PRPF8: variants seen among roughly 807,000 people sequenced by gnomAD.
PRPF8 encodes the protein pre-mRNA-processing-splicing factor 8.
PRPF8 carries 64 observed loss-of-function variants against 285.9 expected under a neutral mutation model. That is an observed-to-expected ratio of 0.22 (90% CI 0.18 to 0.28). The LOEUF (loss-of-function observed/expected upper bound fraction) is 0.28. PRPF8 is among the 10% of genes least tolerant of loss of function. PRPF8 has a pLI of 1.00. For missense variants in PRPF8, 1,426 were observed against 3,026.7 expected, an observed-to-expected ratio of 0.47 and a Z score of 12.41; for synonymous variants, 1,325 against 1,118.2, an observed-to-expected ratio of 1.18 and a Z score of -3.69.
chr17:1,673,324 T>A lies in PRPF8; in HGVS notation c.3657+33A>T, dbSNP rs749657901. 1.2e-6 allele frequency: 2 copies of A among 1,612,588 alleles called. No homozygotes were observed. Among genetic ancestry groups the A allele is most frequent in the Non-Finnish European group, 1.7e-6 (2 of 1,179,116 alleles). ...GACTGACCCAGGAAGTGCAGGCGCG[T>A]TCATGTCACTCCCAGCCCCGCCCAG... is the stretch of plus-strand genomic sequence containing the variant. On this transcript the variant is annotated intron_variant, in intron 23 of 42. Coordinates refer to ENST00000304992, the MANE Select transcript of PRPF8 (RefSeq NM_006445.4). The surrounding 1 kb of genome is among the most constrained non-coding windows in gnomAD (Gnocchi z 5.5).
chr17:1,682,490 G>T (rs935914322), intron 3 of PRPF8, among the ~76,000 whole-genome samples, 197 bp from the exon 4 acceptor site: 2 of 152,026 alleles, frequency 1.3e-5, no homozygotes, highest in African/African-American at 4.8e-5. Flanking sequence ...CTTCTTAAAC[G>T]TCATAATCCC....
In PRPF8 at chr17:1,680,495, A is replaced by C; in HGVS notation, c.1098+231T>G. ...AGACAGACCGGGACAGATTATCTAGAGCACCCAAGAAAAGAACCGTAAAGT... is the reference window on the plus strand; with the variant it reads ...AGACAGACCGGGACAGATTATCTAGCGCACCCAAGAAAAGAACCGTAAAGT... On this transcript the variant is annotated intron_variant, in intron 8 of 42. Coordinates refer to ENST00000304992, the MANE Select transcript of PRPF8 (RefSeq NM_006445.4). The C allele has an allele frequency of 4.1e-5, 25 of 605,072 alleles. No individual in the cohort carries two copies. In the South Asian group the frequency reaches 4.9e-4, roughly 12 times the overall value. The allele number at this position is 605,072 out of a possible 1,614,324, so 37.5% of individuals were successfully genotyped here. A position where few individuals can be genotyped will look rare whatever the true frequency, so the allele number is the denominator to read the frequency against.
In PRPF8 at chr17:1,684,465, G is replaced by C; in HGVS notation, c.100+7C>G. ...GGCCCGCGCGCCGCTCCACACTCTC[G>C]CCTCACCTTTCTCCTGCAGCTTCTC... On this transcript the variant is annotated splice_region_variant and intron_variant, in intron 2 of 42. Coordinates refer to ENST00000304992, the MANE Select transcript of PRPF8 (RefSeq NM_006445.4). 6 of 1,612,438 alleles carry C rather than the reference G, an allele frequency of 3.7e-6. No homozygotes were observed. The highest frequency in any genetic ancestry group is 5.1e-6 in the Non-Finnish European group (6 of 1,179,624).
In PRPF8 at chr17:1,679,618, A is replaced by C; in HGVS notation, c.1280T>G (p.Val427Gly). The stretch of plus-strand genomic sequence containing the variant: ...CAGGGAAAAACCTTACCAGTTCTTG[A>C]CAAGGGGTATGTCCAGGGCCCGACG... The part of the protein sequence containing the change: ...RTRRALDIPL[V>G]KNWYREHCPA... The change falls in exon 9 of 43, where the codon GTC becomes GGC. Residue 427 changes from valine to glycine, a missense_variant. Transcript: ENST00000304992. The surrounding 1 kb of genome is among the most constrained non-coding windows in gnomAD (Gnocchi z 4.7). 1 of 1,613,482 alleles carries C rather than the reference A, an allele frequency of 6.2e-7. No individual in the cohort carries two copies. The highest frequency in any genetic ancestry group is 8.5e-7 in the Non-Finnish European group (1 of 1,179,980).
intron 24 of PRPF8, among the ~76,000 whole-genome samples, chr17:1,666,405 G>T (rs1186742881): frequency 6.6e-6 from 1 of 152,064 alleles, no homozygotes; most frequent in Non-Finnish European, 1.5e-5. Flanking sequence ...AGAAAAATCA[G>T]CCAGGCATGG....
rs769495537 is a variant in PRPF8, at chr17:1,658,487, TAC to T, written c.5376+37_5376+38del. On this transcript the variant is annotated intron_variant, in intron 33 of 42. Coordinates refer to ENST00000304992, the MANE Select transcript of PRPF8 (RefSeq NM_006445.4). This position sits in a 1 kb window ranked among gnomAD's most constrained non-coding sequence, Gnocchi z 4.1. ...AGCCCATTACTCTCCCACAGCCATG[TAC>T]AGAGTCCCGCACCTATACACTGCTG... 2.5e-6 allele frequency: 4 copies of T among 1,612,930 alleles called. No individual in the cohort carries two copies. Among genetic ancestry groups the T allele is most frequent in the East Asian group, 2.2e-5 (1 of 44,888 alleles).
At chr17:1,678,741 G>T (rs749146408) in intron 12 of PRPF8, 21 bp downstream of exon 12, 4 of 1,614,062 alleles carry the variant, frequency 2.5e-6, no homozygotes, top group Non-Finnish European at 3.4e-6. Context: ...CCAGGCAGGG[G>T]TTGGGAATAC....
At position 1,673,967 on chromosome 17, in the gene PRPF8, T is replaced by G. The variant is rs548794088; in HGVS notation, c.3300-75A>C. 1 of 1,552,596 alleles carries G rather than the reference T, an allele frequency of 6.4e-7. No homozygotes were observed. Among genetic ancestry groups the G allele is most frequent in the African/African-American group, 1.4e-5 (1 of 73,810 alleles). On this transcript the variant is annotated intron_variant, in intron 21 of 42. Transcript: ENST00000304992. The surrounding 1 kb of genome is among the most constrained non-coding windows in gnomAD (Gnocchi z 5.5). ...GACACCCACAAGTCCTCCAGCTCAA[T>G]AGACGGAGACCCCACCCCATCCTAC...
At chr17:1,680,165 C>T (rs886185711) in intron 8 of PRPF8, among the ~76,000 whole-genome samples, 1 of 152,102 alleles carries the variant, frequency 6.6e-6, no homozygotes, top group Non-Finnish European at 1.5e-5. Context: ...GCTTAAGAAG[C>T]CAGTCACTGA....
At chr17:1,667,340 G>A (rs1174930837) in intron 24 of PRPF8, among the ~76,000 whole-genome samples, 3 of 152,278 alleles carry the variant, frequency 2.0e-5, no homozygotes, top group African/African-American at 7.2e-5. Flanking sequence ...ATCCCTGAAG[G>A]GGAGGAGGCA....
chr17:1,677,347 TTC>T (rs1912657796), intron 14 of PRPF8, 175 bp from the exon 15 acceptor site: 1 of 953,846 alleles, frequency 1.0e-6, no homozygotes, highest in Non-Finnish European at 1.6e-6. Context: ...ACAACTATGC[TTC>T]TGAGGAATTT....
intron 37 of PRPF8, chr17:1,654,592 A>G (rs1911255569): frequency 5.2e-6 from 1 of 193,522 alleles, no homozygotes; most frequent in African/African-American, 2.3e-5. Context: ...CTATTCGAAG[A>G]CACTGCTGTA....
chr17:1,651,814 A>T lies in PRPF8; in HGVS notation c.6370-26T>A, dbSNP rs761813614. 6.2e-7 allele frequency: 1 copy of T among 1,613,038 alleles called. No individual in the cohort carries two copies. Among genetic ancestry groups the T allele is most frequent in the African/African-American group, 1.3e-5 (1 of 74,886 alleles). ...CTGGAGACAAAGGGGTCAGGAACCA[A>T]AACTCTTCTTAGTACCAGGTCAGAG... On this transcript the variant is annotated intron_variant, in intron 39 of 42. Transcript: ENST00000304992. This position sits in a 1 kb window ranked among gnomAD's most constrained non-coding sequence, Gnocchi z 5.1.
rs567614021 is a variant in PRPF8 at position 1,680,219 on chromosome 17, T to C, written c.1099-420A>G. Among the ~76,000 whole-genome samples, 6 of 152,300 alleles carry C rather than the reference T, an allele frequency of 3.9e-5. No homozygotes were observed. In the East Asian group the frequency reaches 7.7e-4, roughly 20 times the overall value. ...TTCTATTTCATTCTATCATATGAAA[T>C]GTGTAGAATAGCCAAATCTATAGAC... is the stretch of plus-strand genomic sequence containing the variant. On this transcript the variant is annotated intron_variant, in intron 8 of 42. Transcript: ENST00000304992.
chr17:1,659,789 C>T lies in PRPF8; in HGVS notation c.4946+52G>A. On this transcript the variant is annotated intron_variant, in intron 31 of 42. Coordinates refer to ENST00000304992, the MANE Select transcript of PRPF8 (RefSeq NM_006445.4). This position sits in a 1 kb window ranked among gnomAD's most constrained non-coding sequence, Gnocchi z 5.1. The stretch of plus-strand genomic sequence containing the variant: ...TCCTAAAGTTGCAGGGCTAGAAGAA[C>T]AGGAAAACGAAAGTGTCCTGGCTGC... 6.3e-7 allele frequency: 1 copy of T among 1,596,990 alleles called. No individual in the cohort carries two copies. The highest frequency in any genetic ancestry group is 8.6e-7 in the Non-Finnish European group (1 of 1,166,162).
At chr17:1,663,318 A>G (rs1044994104) in intron 24 of PRPF8, among the ~76,000 whole-genome samples, 1 of 152,200 alleles carries the variant, frequency 6.6e-6, no homozygotes, top group Non-Finnish European at 1.5e-5. Flanking sequence ...AAAAAGAGTA[A>G]GACGGTAGAT....
At position 1,675,654 on chromosome 17, in the gene PRPF8, T is replaced by C. The variant is rs1377545938; in HGVS notation, c.2838A>G (p.Glu946=). The C allele has an allele frequency of 4.3e-6, 7 of 1,614,086 alleles. 1 individual carries two copies. The South Asian group carries it at 7.7e-5, about 18-fold the overall frequency. ...ACTTGTAAACAAGCAGCGGAGGTGG[T>C]TCTGTGTCTGCAGGCTTAATCCAGG... is the stretch of plus-strand genomic sequence containing the variant. ...FPPWIKPADT[E]PPPLLVYKWC... Residue 946 remains glutamate, a synonymous_variant, in exon 19 of 43, where the codon GAA becomes GAG. Coordinates refer to ENST00000304992, the MANE Select transcript of PRPF8 (RefSeq NM_006445.4). This position sits in a 1 kb window ranked among gnomAD's most constrained non-coding sequence, Gnocchi z 6.0.
At chr17:1,662,594 A>G (rs557592370) in intron 24 of PRPF8, among the ~76,000 whole-genome samples, 64 of 67,148 alleles carry the variant, frequency 9.5e-4, no homozygotes, top group East Asian at 4.0e-3. Context: ...ATCTCAGGGG[A>G]AAAAAAAAAA....
In PRPF8 at chr17:1,673,567, T is replaced by C. The variant is rs1486770508; in HGVS notation, c.3447A>G (p.Leu1149=). ...TGATGTCCCAGAATACCGCCCGGCC[T>C]CTGCCCACAGAGAACACATGGTCAC... ...RMRLMKHDVN[L]GRAVFWDIKN... Residue 1149 remains leucine, a splice_region_variant and synonymous_variant, in exon 23 of 43, where the codon TTA becomes TTG. Transcript: ENST00000304992. The surrounding 1 kb of genome is among the most constrained non-coding windows in gnomAD (Gnocchi z 5.5). 2 of 1,613,836 alleles carry C rather than the reference T, an allele frequency of 1.2e-6. No individual in the cohort carries two copies. The highest frequency in any genetic ancestry group is 1.7e-6 in the Non-Finnish European group (2 of 1,180,002).
Sources: gnomAD v4.1 joint callset for allele counts (sites outside exome capture counted in the v4.1 genomes callset) on GRCh38, gnomAD v4.1.1 for gene constraint, Gnocchi (gnomAD v3.1) non-coding constraint, MANE v1.5 for transcripts, NCBI Gene and HGNC (gene_info 2026-07-23, HGNC 2026-07-21) for gene names.